Variants in COMMD4 observed in about 807,000 individuals in gnomAD.
COMMD4 encodes COMM domain-containing protein 4.
In COMMD4, 18 loss-of-function variants were observed where a neutral mutation model predicts 27.5. The observed-to-expected ratio is 0.65, with a 90% confidence interval of 0.45 to 0.97. The LOEUF is 0.97. Ranked by LOEUF, COMMD4 falls within the 50% of genes least tolerant of loss-of-function variation. The pLI is 0.00. For synonymous variants in COMMD4, 108 were observed against 108.4 expected, an observed-to-expected ratio of 1.00 and a Z score of 0.02; for missense variants, 243 against 250.0, an observed-to-expected ratio of 0.97 and a Z score of 0.19.
chr15:75,336,084 G>C lies in COMMD4; in HGVS notation c.-6G>C, dbSNP rs1287895041. 31 of 1,549,652 alleles carry C rather than the reference G, an allele frequency of 2.0e-5. 1 individual carries two copies. Among genetic ancestry groups the C allele is most frequent in the South Asian group, 7.1e-5 (6 of 83,980 alleles). On this transcript the variant is annotated 5_prime_UTR_variant, in exon 1 of 8. Transcript: ENST00000267935. ...AGAAATTCCCGGGCCCTGGCTTCTT[G>C]GCGCGATGGTGAGGCACTAGGGGCG...
chr15:75,336,099 C>A lies in COMMD4; in HGVS notation c.3+7C>A. The A allele has an allele frequency of 2.6e-6, 4 of 1,549,770 alleles. No homozygotes were observed. The highest frequency in any genetic ancestry group is 3.5e-6 in the Non-Finnish European group (4 of 1,146,820). On this transcript the variant is annotated splice_region_variant and intron_variant, in intron 1 of 7. Coordinates refer to ENST00000267935, the MANE Select transcript of COMMD4 (RefSeq NM_017828.5). ...CTGGCTTCTTGGCGCGATGGTGAGG[C>A]ACTAGGGGCGAAGCGAGGCTTGGGC...
At chr15:75,342,628 A>C (rs2071436919), downstream of COMMD4, 1 of 152,148 alleles carries the variant, frequency 6.6e-6, no homozygotes, top group Non-Finnish European at 1.5e-5. Flanking sequence ...GGAAAAGGGG[A>C]GACACCGGTC....
chr15:75,337,923 G>C, intron 1 of COMMD4, 139 bp from the exon 2 acceptor site: 5 of 817,468 alleles, frequency 6.1e-6, no homozygotes, highest in Non-Finnish European at 9.7e-6. Flanking sequence ...CTGGTGATAG[G>C]GGAGAACAAG....
chr15:75,338,035 C>T (rs1300096769), intron 1 of COMMD4, 27 bp from the exon 2 acceptor site: 1 of 1,592,058 alleles, frequency 6.3e-7, no homozygotes, highest in East Asian at 2.3e-5. Flanking sequence ...TCCCTCCAGC[C>T]TGATTACCTG....
chr15:75,338,967 C>G lies in COMMD4; in HGVS notation c.182-18C>G. 2 of 1,613,926 alleles carry G rather than the reference C, an allele frequency of 1.2e-6. No individual in the cohort carries two copies. Among genetic ancestry groups the G allele is most frequent in the Non-Finnish European group, 1.7e-6 (2 of 1,179,882 alleles). The stretch of plus-strand genomic sequence containing the variant: ...GGACCCACAGTGACACCCCCTGCCC[C>G]ACCCACGGGTCCCTCAGAGTCAGGC... On this transcript the variant is annotated intron_variant, in intron 4 of 7. Coordinates refer to ENST00000267935, the MANE Select transcript of COMMD4 (RefSeq NM_017828.5).
intron 4 of COMMD4, 107 bp from the exon 5 acceptor site, chr15:75,338,878 G>A: frequency 6.4e-7 from 1 of 1,574,792 alleles, no homozygotes; most frequent in Non-Finnish European, 8.7e-7. Flanking sequence ...CAGTAGCAGT[G>A]CCTGTGGCTC....
chr15:75,340,136 C>A lies in COMMD4; in HGVS notation c.*131C>A. 9.8e-7 allele frequency: 1 copy of A among 1,018,430 alleles called. No homozygotes were observed. The highest frequency in any genetic ancestry group is 1.6e-5 in the South Asian group (1 of 63,878). 63.1% of individuals were successfully genotyped at this position (1,018,430 alleles called of 1,614,324 possible). On this transcript the variant is annotated 3_prime_UTR_variant, in exon 8 of 8. Coordinates refer to ENST00000267935, the MANE Select transcript of COMMD4 (RefSeq NM_017828.5). The stretch of plus-strand genomic sequence containing the variant: ...TGGCCCGGACTCTGGCCTCCCAGAT[C>A]CCCAGCTGCCTCACTTCTCTCTTGA...
At position 75,340,170 on chromosome 15, in the gene COMMD4, C is replaced by T; in HGVS notation, c.*165C>T. 1.4e-6 allele frequency: 1 copy of T among 721,814 alleles called. No individual in the cohort carries two copies. 44.7% of individuals were successfully genotyped at this position (721,814 alleles called of 1,614,324 possible). A position where few individuals can be genotyped will look rare whatever the true frequency, so the allele number is the denominator to read the frequency against. On this transcript the variant is annotated 3_prime_UTR_variant, in exon 8 of 8. Transcript: ENST00000267935. ...CCTCACTTCTCTCTTGAGAACTTGGCTCAGGGCTCCTGAGGACCTTTCCCA... is the reference window on the plus strand; with the variant it reads ...CCTCACTTCTCTCTTGAGAACTTGGTTCAGGGCTCCTGAGGACCTTTCCCA...
At chr15:75,342,871 T>A (rs2071438971), downstream of COMMD4, 1 of 152,242 alleles carries the variant, frequency 6.6e-6, no homozygotes, top group South Asian at 2.1e-4. Flanking sequence ...TAGGCTGGAG[T>A]GCAGTGGCGT....
chr15:75,338,085 G>A lies in COMMD4; in HGVS notation c.27G>A (p.Leu9=), dbSNP rs1453088501. 3.7e-6 allele frequency: 6 copies of A among 1,608,560 alleles called. No homozygotes were observed. The East Asian group carries it at 6.7e-5, about 18-fold the overall frequency. The change falls in exon 2 of 8, where the codon CTG becomes CTA. Residue 9 remains leucine (L), a synonymous_variant. Coordinates refer to ENST00000267935, the MANE Select transcript of COMMD4 (RefSeq NM_017828.5). MRFRFCGD[L]DCPDWVLAEI... The stretch of plus-strand genomic sequence containing the variant: ...AGAGGTTCCGGTTCTGTGGTGATCT[G>A]GACTGTCCCGACTGGGTCCTGGCAG...
chr15:75,339,719 G>T lies in COMMD4; in HGVS notation c.400G>T (p.Val134Leu). Residue 134 changes from valine (V) to leucine (L), a missense_variant, in exon 7 of 8, where the codon GTG becomes TTG. Val to Leu is a conservative substitution (Grantham distance 32). Coordinates refer to ENST00000267935, the MANE Select transcript of COMMD4 (RefSeq NM_017828.5). ...CSLRMNRLAG[V>L]GWRVDYTLSS... is the part of the protein sequence containing the mutation. Reference sequence around the variant, plus strand: ...TCTCACAGTGAATAGGTTGGCAGGTGTGGGCTGGCGGGTGGACTACACCCT... The same window carrying T: ...TCTCACAGTGAATAGGTTGGCAGGTTTGGGCTGGCGGGTGGACTACACCCT... 1.2e-6 allele frequency: 2 copies of T among 1,602,500 alleles called. No homozygotes were observed. Among genetic ancestry groups the T allele is most frequent in the Non-Finnish European group, 1.7e-6 (2 of 1,173,312 alleles).
chr15:75,339,706 T>C lies in COMMD4; in HGVS notation c.387T>C (p.Asn129=). The change falls in exon 7 of 8, where the codon AAT becomes AAC. Residue 129 remains asparagine (N), a synonymous_variant. Coordinates refer to ENST00000267935, the MANE Select transcript of COMMD4 (RefSeq NM_017828.5). ...GCCACCCACCCCATCTCACAGTGAA[T>C]AGGTTGGCAGGTGTGGGCTGGCGGG... ...KHLRVCSLRM[N]RLAGVGWRVD... The C allele has an allele frequency of 6.3e-7, 1 of 1,589,812 alleles. No homozygotes were observed. Among genetic ancestry groups the C allele is most frequent in the Non-Finnish European group, 8.6e-7 (1 of 1,167,040 alleles).
chr15:75,338,894 G>A lies in COMMD4; in HGVS notation c.182-91G>A, dbSNP rs2071333602. On this transcript the variant is annotated intron_variant, in intron 4 of 7. Transcript: ENST00000267935. The stretch of plus-strand genomic sequence containing the variant: ...AGTAGCAGTGCCTGTGGCTCCAGGA[G>A]GCCTGGGGGCTTTGAGCTAAAGTTA... 8 of 1,604,210 alleles carry A rather than the reference G, an allele frequency of 5.0e-6. No homozygotes were observed. In the East Asian group the frequency reaches 1.6e-4, roughly 31 times the overall value.
At chr15:75,340,531 C>G (rs931546819), downstream of COMMD4, among the ~76,000 whole-genome samples, 1 of 152,190 alleles carries the variant, frequency 6.6e-6, no homozygotes, top group Non-Finnish European at 1.5e-5. Context: ...GCTAGCAGCA[C>G]GTTGGTGGCC....
intron 6 of COMMD4, 70 bp from the exon 7 acceptor site, chr15:75,339,632 C>T (rs1169585297): frequency 6.7e-7 from 1 of 1,487,512 alleles, no homozygotes; most frequent in Admixed American, 2.1e-5. Context: ...GAGAGCTGAG[C>T]CAGGGTGTCG....
intron 4 of COMMD4, 46 bp from the exon 5 acceptor site, chr15:75,338,939 G>T (rs2071336059): frequency 1.2e-6 from 2 of 1,613,456 alleles, no homozygotes; most frequent in East Asian, 2.2e-5. Flanking sequence ...CAGGGAGGTG[G>T]CTGGACCCAC....
At chr15:75,342,234 C>T (rs1217078957), downstream of COMMD4, 1 of 151,848 alleles carries the variant, frequency 6.6e-6, no homozygotes, top group East Asian at 1.9e-4. Flanking sequence ...CTCGTCACCT[C>T]ACTTATGCCT....
At chr15:75,336,414 C>T (rs757777614) in intron 1 of COMMD4, 1 of 702,310 alleles carries the variant, frequency 1.4e-6, no homozygotes, top group Non-Finnish European at 2.2e-6. Context: ...CTTCCCCATC[C>T]CCAAGAGGAC....
chr15:75,340,118 G>A lies in COMMD4; in HGVS notation c.*113G>A. ...TCTAGGATGCTGAGGCCCTGGCCCG[G>A]ACTCTGGCCTCCCAGATCCCCAGCT... On this transcript the variant is annotated 3_prime_UTR_variant, in exon 8 of 8. Coordinates refer to ENST00000267935, the MANE Select transcript of COMMD4 (RefSeq NM_017828.5). 1.6e-6 allele frequency: 2 copies of A among 1,263,894 alleles called. No homozygotes were observed. The allele number at this position is 1,263,894 out of a possible 1,614,324, so 78.3% of individuals were successfully genotyped here.
Sources: allele counts gnomAD v4.1 joint callset (sites outside exome capture counted in the v4.1 genomes callset), GRCh38; gene constraint gnomAD v4.1.1; transcripts MANE v1.5; gene names NCBI Gene and HGNC (gene_info 2026-07-23, HGNC 2026-07-21).